PDE4D: variants seen among roughly 807,000 people sequenced by gnomAD.
PDE4D encodes 3',5'-cyclic-AMP phosphodiesterase 4D.
A neutral mutation model predicts 87.4 loss-of-function variants in PDE4D; 24 were observed. That is an observed-to-expected ratio of 0.27 (90% CI 0.20 to 0.39). PDE4D has a LOEUF of 0.39. PDE4D is among the 10% of genes least tolerant of loss of function. The pLI, the probability that PDE4D is intolerant of heterozygous loss-of-function variation, is 1.00. For missense variants in PDE4D, 714 were observed against 1,041.0 expected (o/e 0.69, Z 4.32); for synonymous variants, 384 against 383.2 (o/e 1.00, Z -0.02).
intron 1 of PDE4D, among the ~76,000 whole-genome samples, chr5:59,687,540 A>G (rs1350950826): frequency 1.3e-5 from 2 of 152,112 alleles, no homozygotes; most frequent in African/African-American, 4.8e-5. Flanking sequence ...TTTTGTCACC[A>G]CCAGGCCTAG....
intron 2 of PDE4D, among the ~76,000 whole-genome samples, chr5:60,103,401 T>C (rs749951884): frequency 1.3e-5 from 2 of 152,118 alleles, no homozygotes; most frequent in Non-Finnish European, 2.9e-5. Flanking sequence ...ACACAAGAGA[T>C]GAACTATTTC....
At chr5:59,356,835 A>G in intron 1 of PDE4D, 1 of 1,550,938 alleles carries the variant, frequency 6.4e-7, no homozygotes, top group Non-Finnish European at 8.6e-7. Context: ...GAGGATCCCA[A>G]ACAAAAGCCA....
At chr5:59,295,814 G>C (rs976839419) in intron 1 of PDE4D, among the ~76,000 whole-genome samples, 1 of 151,524 alleles carries the variant, frequency 6.6e-6, no homozygotes, top group African/African-American at 2.4e-5. Context: ...GGTGGTGTTA[G>C]GGAGTGAAGT....
At chr5:59,609,360 T>C (rs950410479) in intron 1 of PDE4D, among the ~76,000 whole-genome samples, 5 of 91,650 alleles carry the variant, frequency 5.5e-5, no homozygotes, top group African/African-American at 7.8e-5. Flanking sequence ...CACGTATATC[T>C]CTCTAATTTG....
chr5:59,175,635 C>G (rs976889680), intron 5 of PDE4D, among the ~76,000 whole-genome samples: 1 of 151,528 alleles, frequency 6.6e-6, no homozygotes, highest in South Asian at 2.1e-4. Flanking sequence ...CACCTGCCAC[C>G]ACGCCTGGCT....
rs116914305 is a variant in PDE4D, at chr5:60,052,253, C to T, written c.43-63536G>A. On this transcript the variant is annotated intron_variant, in intron 2 of 16. Transcript: ENST00000502484. ...ACACAACAACGAAAAAATTTCAGGC[C>T]GATATCCCTGATGAATATCTATGCA... Among the ~76,000 whole-genome samples the T allele has an allele frequency of 6.1e-4, 93 of 151,990 alleles. 2 individuals carry two copies. In the East Asian group the frequency reaches 0.013, roughly 22 times the overall value.
At chr5:59,276,259 A>G (rs1228248390) in intron 1 of PDE4D, 3 of 335,790 alleles carry the variant, frequency 8.9e-6, no homozygotes, top group African/African-American at 6.7e-5. Context: ...AGACCTCACA[A>G]AACTTATAAA....
chr5:59,719,115 G>GT (rs1202313254), intron 1 of PDE4D, among the ~76,000 whole-genome samples: 1 of 151,936 alleles, frequency 6.6e-6, no homozygotes, highest in East Asian at 1.9e-4. Flanking sequence ...GTCAGGCCAT[G>GT]TACCAAAATG....
intron 1 of PDE4D, among the ~76,000 whole-genome samples, chr5:59,735,540 T>C (rs890420628): frequency 2.6e-5 from 4 of 152,224 alleles, no homozygotes; most frequent in Admixed American, 6.5e-5. Context: ...GTGAGAATGG[T>C]ACATTTTATA....
intron 1 of PDE4D, among the ~76,000 whole-genome samples, chr5:59,428,039 A>G (rs567506032): frequency 3.0e-4 from 46 of 152,316 alleles, no homozygotes; most frequent in Non-Finnish European, 5.6e-4. Context: ...AGTTTACTTA[A>G]GATTTAGTAT....
intron 5 of PDE4D, among the ~76,000 whole-genome samples, chr5:59,162,150 G>C (rs1170374170): frequency 1.3e-5 from 2 of 152,116 alleles, no homozygotes; most frequent in Non-Finnish European, 2.9e-5. Flanking sequence ...TAGGAAGCTG[G>C]GGACAAAACA....
At chr5:59,640,105 A>G (rs1741321239) in intron 1 of PDE4D, among the ~76,000 whole-genome samples, 1 of 152,196 alleles carries the variant, frequency 6.6e-6, no homozygotes, top group Admixed American at 6.5e-5. Context: ...AAACATCATC[A>G]TAAGAATGCC....
intron 2 of PDE4D, among the ~76,000 whole-genome samples, chr5:59,998,635 CT>C (rs1763736526): frequency 1.3e-5 from 2 of 151,926 alleles, no homozygotes; most frequent in South Asian, 2.1e-4. Context: ...AAAATCATCT[CT>C]TTTTTAGTTT....
intron 1 of PDE4D, among the ~76,000 whole-genome samples, chr5:59,726,856 A>G (rs1198413680): frequency 6.7e-6 from 1 of 149,718 alleles, no homozygotes; most frequent in Non-Finnish European, 1.5e-5. Context: ...AATATAGAAG[A>G]TCAACTATAT....
At chr5:60,295,918 A>T (rs2149782903) in intron 1 of PDE4D, among the ~76,000 whole-genome samples, 1 of 152,304 alleles carries the variant, frequency 6.6e-6, no homozygotes, top group East Asian at 1.9e-4. Flanking sequence ...TTTATTTCTC[A>T]CATTCTGTAG....
At chr5:60,182,634 T>G (rs970444606) in intron 2 of PDE4D, among the ~76,000 whole-genome samples, 7 of 151,520 alleles carry the variant, frequency 4.6e-5, no homozygotes, top group Admixed American at 3.9e-4. Flanking sequence ...ATCCCAGCAC[T>G]TTGGGAAGCC....
intron 1 of PDE4D, among the ~76,000 whole-genome samples, chr5:60,314,323 T>C (rs1044671593): frequency 6.6e-6 from 1 of 151,810 alleles, no homozygotes; most frequent in Non-Finnish European, 1.5e-5. Context: ...CATGCTGCCA[T>C]GCCCAACTGA....
rs80264937 is a variant in PDE4D, at chr5:59,253,068, G to T, written c.456-37100C>A. Among the ~76,000 whole-genome samples, 753 of 152,210 alleles carry T rather than the reference G, an allele frequency of 4.9e-3. 3 individuals carry two copies. The highest frequency in any genetic ancestry group is 0.016 in the African/African-American group (649 of 41,534). ...TCACATTATACATAAAAATGTCAAA[G>T]AATCTTGCCCCCTCTTTTTTTGATG... On this transcript the variant is annotated intron_variant, in intron 1 of 14. Coordinates refer to ENST00000340635, the MANE Select transcript of PDE4D (RefSeq NM_001104631.2).
At chr5:59,042,838 C>T (rs528616874) in intron 5 of PDE4D, among the ~76,000 whole-genome samples, 2 of 152,310 alleles carry the variant, frequency 1.3e-5, no homozygotes, top group Non-Finnish European at 2.9e-5. Flanking sequence ...CTTAGAGGTT[C>T]CCCTGACACA....
Sources: gnomAD v4.1 joint callset for allele counts (sites outside exome capture counted in the v4.1 genomes callset) on GRCh38, gnomAD v4.1.1 for gene constraint, MANE v1.5 for transcripts, NCBI Gene and HGNC (gene_info 2026-07-23, HGNC 2026-07-21) for gene names.